The following CMTR1 variants were observed in gnomAD, a reference collection of about 807,000 sequenced individuals.
CMTR1 encodes cap-specific mRNA (nucleoside-2'-O-)-methyltransferase 1.
CMTR1 carries 39 observed loss-of-function variants against 107.0 expected under a neutral mutation model. That is an observed-to-expected ratio of 0.36 (90% confidence interval 0.28 to 0.48). CMTR1 has a LOEUF of 0.48. CMTR1 is among the 20% of genes least tolerant of loss of function. The pLI, the probability that CMTR1 is intolerant of heterozygous loss-of-function variation, is 0.99. For missense variants in CMTR1, 672 were observed against 1,064.9 expected, an observed-to-expected ratio of 0.63 and a Z score of 5.14; for synonymous variants, 366 against 379.5, an observed-to-expected ratio of 0.96 and a Z score of 0.41.
chr6:37,443,984 C>G lies in CMTR1; in HGVS notation c.134-15C>G. ...GCCATAAACCTACCTAAACATTTTCCTTTTTCTTTTTCAGCATCTACTACA... is the reference window on the plus strand; with the variant it reads ...GCCATAAACCTACCTAAACATTTTCGTTTTTCTTTTTCAGCATCTACTACA... On this transcript the variant is annotated splice_polypyrimidine_tract_variant and intron_variant, in intron 2 of 23. Coordinates refer to ENST00000373451, the MANE Select transcript of CMTR1 (RefSeq NM_015050.3). The G allele has an allele frequency of 6.2e-7, 1 of 1,610,446 alleles. No individual in the cohort carries two copies. The highest frequency in any genetic ancestry group is 1.3e-5 in the African/African-American group (1 of 74,838).
chr6:37,467,980 C>G (rs1245244457), intron 13 of CMTR1, among the ~76,000 whole-genome samples: 7 of 151,198 alleles, frequency 4.6e-5, no homozygotes, highest in African/African-American at 1.7e-4. Context: ...CTTTAAATCC[C>G]CTATCTTGGT....
intron 20 of CMTR1, among the ~76,000 whole-genome samples, chr6:37,477,243 C>T (rs1200579524): frequency 6.6e-6 from 1 of 152,214 alleles, no homozygotes; most frequent in Non-Finnish European, 1.5e-5. Context: ...GTTTTCTGCC[C>T]TCTGGTGATG....
intron 14 of CMTR1, among the ~76,000 whole-genome samples, 179 bp downstream of exon 14, chr6:37,471,256 A>G (rs933458467): frequency 2.6e-5 from 4 of 152,186 alleles, no homozygotes; most frequent in African/African-American, 9.7e-5. Flanking sequence ...CTTTGTCCCC[A>G]AATACTTTAC....
chr6:37,480,795 T>G lies in CMTR1; in HGVS notation c.*650T>G, dbSNP rs1045068626. ...TGGGAAGGAGGGAGTTTGGGCAAAC[T>G]CTCATCCCTGATACCACATTGAGAT... On this transcript the variant is annotated 3_prime_UTR_variant, in exon 24 of 24. Coordinates refer to ENST00000373451, the MANE Select transcript of CMTR1 (RefSeq NM_015050.3). The G allele has an allele frequency of 3.6e-6, 4 of 1,113,616 alleles. No individual in the cohort carries two copies. The highest frequency in any genetic ancestry group is 4.4e-6 in the Non-Finnish European group (4 of 904,836). 69.0% of individuals were successfully genotyped at this position (1,113,616 alleles called of 1,614,324 possible).
At chr6:37,470,247 C>A (rs28410961) in intron 13 of CMTR1, among the ~76,000 whole-genome samples, 1 of 151,526 alleles carries the variant, frequency 6.6e-6, no homozygotes, top group Admixed American at 6.6e-5. Context: ...CCTGGGTTCA[C>A]GCCATTCTCC....
chr6:37,461,951 T>C lies in CMTR1; in HGVS notation c.1193-19T>C. The C allele has an allele frequency of 6.2e-7, 1 of 1,613,412 alleles. No homozygotes were observed. The highest frequency in any genetic ancestry group is 8.5e-7 in the Non-Finnish European group (1 of 1,179,748). On this transcript the variant is annotated intron_variant, in intron 11 of 23. Coordinates refer to ENST00000373451, the MANE Select transcript of CMTR1 (RefSeq NM_015050.3). Reference sequence around the variant, plus strand: ...GAATAGACCCATTGGCTGCTTTTGGTGTTTTCTCTCTAATCTAGGAGGCCA... The same window carrying C: ...GAATAGACCCATTGGCTGCTTTTGGCGTTTTCTCTCTAATCTAGGAGGCCA...
At chr6:37,467,306 C>G (rs1156341018) in intron 13 of CMTR1, among the ~76,000 whole-genome samples, 4 of 152,004 alleles carry the variant, frequency 2.6e-5, no homozygotes. Flanking sequence ...ATTTAATATT[C>G]AGATAATTTA....
chr6:37,448,418 C>A (rs996662378), intron 4 of CMTR1, among the ~76,000 whole-genome samples: 11 of 152,060 alleles, frequency 7.2e-5, no homozygotes, highest in Non-Finnish European at 2.9e-5. Context: ...ATCAGACTTC[C>A]ATAGGGACAT....
rs927144222 is a variant in CMTR1 at position 37,444,302 on chromosome 6, G to C, written c.285+152G>C. ...TTTAGCAGAGTGTGACCCACTTCTT[G>C]ATAGAAGTATCTATCACATTTGTAT... On this transcript the variant is annotated intron_variant, in intron 3 of 23. Coordinates refer to ENST00000373451, the MANE Select transcript of CMTR1 (RefSeq NM_015050.3). 5.5e-6 allele frequency: 5 copies of C among 902,134 alleles called. No homozygotes were observed. In the African/African-American group the frequency reaches 8.4e-5, roughly 15 times the overall value. The allele number at this position is 902,134 out of a possible 1,614,324, so 55.9% of individuals were successfully genotyped here. A position where few individuals can be genotyped will look rare whatever the true frequency, so the allele number is the denominator to read the frequency against.
intron 18 of CMTR1, 66 bp from the exon 19 acceptor site, chr6:37,475,255 G>A: frequency 2.4e-6 from 3 of 1,256,432 alleles, no homozygotes; most frequent in Non-Finnish European, 3.5e-6. Flanking sequence ...AGCATGCCAT[G>A]GTGGGTAGTG....
intron 13 of CMTR1, among the ~76,000 whole-genome samples, chr6:37,463,727 C>G (rs1172811565): frequency 1.3e-5 from 2 of 152,146 alleles, no homozygotes; most frequent in Non-Finnish European, 2.9e-5. Context: ...AGAGGTGGCC[C>G]TGGAGAATCA....
chr6:37,430,568 C>A (rs1771348543), upstream of CMTR1, among the ~76,000 whole-genome samples: 1 of 151,848 alleles, frequency 6.6e-6, no homozygotes, highest in Non-Finnish European at 1.5e-5. Flanking sequence ...ATTTTTCTTT[C>A]GATTAATGCT....
At chr6:37,436,105 C>T (rs1468888696) in intron 2 of CMTR1, among the ~76,000 whole-genome samples, 1 of 152,102 alleles carries the variant, frequency 6.6e-6, no homozygotes, top group African/African-American at 2.4e-5. Context: ...TCCTGGGGCT[C>T]TTTTGTAAGG....
At chr6:37,425,968 T>C in the CMTR1 span, among the ~76,000 whole-genome samples, 1 of 152,216 alleles carries the variant, frequency 6.6e-6, no homozygotes, top group East Asian at 1.9e-4. Context: ...GTTTGTTTTG[T>C]TGTCTTTTTT....
intron 2 of CMTR1, among the ~76,000 whole-genome samples, chr6:37,442,477 T>C (rs1434356313): frequency 6.6e-6 from 1 of 152,216 alleles, no homozygotes; most frequent in Non-Finnish European, 1.5e-5. Context: ...TTAATTAATT[T>C]CTATTAAATG....
At chr6:37,470,388 C>T (rs1403739995) in intron 13 of CMTR1, among the ~76,000 whole-genome samples, 2 of 151,964 alleles carry the variant, frequency 1.3e-5, no homozygotes, top group Non-Finnish European at 2.9e-5. Context: ...CCTCGTGATC[C>T]GCCCGCCTCA....
chr6:37,474,246 T>C (rs968645993), intron 17 of CMTR1, among the ~76,000 whole-genome samples: 5 of 152,256 alleles, frequency 3.3e-5, no homozygotes, highest in African/African-American at 1.2e-4. Flanking sequence ...TGGATCTTTT[T>C]TGAGGGCCAC....
At chr6:37,460,913 T>A (rs1761390396) in intron 10 of CMTR1, among the ~76,000 whole-genome samples, 1 of 152,150 alleles carries the variant, frequency 6.6e-6, no homozygotes, top group Non-Finnish European at 1.5e-5. Context: ...CCTGCTGGGA[T>A]CTCACAAGGA....
intron 7 of CMTR1, 25 bp downstream of exon 7, chr6:37,453,166 C>G: frequency 1.2e-6 from 2 of 1,612,012 alleles, no homozygotes; most frequent in Non-Finnish European, 1.7e-6. Flanking sequence ...CCCTCCCCTC[C>G]CCTGATGCTC....
Sources: allele counts gnomAD v4.1 joint callset (sites outside exome capture counted in the v4.1 genomes callset), GRCh38; gene constraint gnomAD v4.1.1; transcripts MANE v1.5; gene names NCBI Gene and HGNC (gene_info 2026-07-23, HGNC 2026-07-21).